DLGAP1: variants seen among roughly 807,000 people sequenced by gnomAD.
DLGAP1 encodes DLG associated protein 1, also known as disks large-associated protein 1.
In DLGAP1, 11 loss-of-function variants were observed where a neutral mutation model predicts 90.8. That is an observed-to-expected ratio of 0.12 (90% CI 0.08 to 0.20). The LOEUF is 0.20. Ranked by LOEUF, DLGAP1 falls within the 10% of genes least tolerant of loss-of-function variation. The probability of loss-of-function intolerance (pLI) is 1.00; values close to 1 mark genes in which losing one functional copy is unlikely to be tolerated. For synonymous variants in DLGAP1, 558 were observed against 540.7 expected (o/e 1.03, Z -0.44); for missense variants, 1,050 against 1,333.8 (o/e 0.79, Z 3.31).
intron 1 of DLGAP1, among the ~76,000 whole-genome samples, chr18:4,152,534 A>G (rs1314127145): frequency 1.3e-5 from 2 of 152,214 alleles, no homozygotes. Flanking sequence ...CTTGTTTCCA[A>G]AAAGAACACT....
intron 2 of DLGAP1, among the ~76,000 whole-genome samples, chr18:4,020,709 T>A (rs548517897): frequency 6.6e-6 from 1 of 152,298 alleles, no homozygotes; most frequent in East Asian, 1.9e-4. Flanking sequence ...AGTTTAACTT[T>A]GAAACAAAGA....
intron 7 of DLGAP1, among the ~76,000 whole-genome samples, chr18:3,682,424 T>C (rs999551243): frequency 6.6e-6 from 1 of 152,244 alleles, no homozygotes. Flanking sequence ...GAGAATGGAC[T>C]AATACACATG....
intron 5 of DLGAP1, among the ~76,000 whole-genome samples, chr18:3,813,414 T>A (rs1341231301): frequency 2.6e-5 from 4 of 152,210 alleles, no homozygotes; most frequent in Non-Finnish European, 4.4e-5. Flanking sequence ...TACTCTATGA[T>A]GTGTGCACAG....
At chr18:4,094,496 T>C (rs2075639444) in intron 2 of DLGAP1, among the ~76,000 whole-genome samples, 1 of 152,060 alleles carries the variant, frequency 6.6e-6, no homozygotes, top group Admixed American at 6.6e-5. Flanking sequence ...ATCATGTATA[T>C]TGTTTTCTGT....
At chr18:3,705,938 C>A (rs1334276488) in intron 7 of DLGAP1, among the ~76,000 whole-genome samples, 2 of 150,188 alleles carry the variant, frequency 1.3e-5, no homozygotes, top group Non-Finnish European at 2.9e-5. Context: ...GGATTACAGG[C>A]GTGAGCCACC....
At chr18:4,282,588 CACTG>C (rs2079580439) in intron 1 of DLGAP1, among the ~76,000 whole-genome samples, 1 of 152,116 alleles carries the variant, frequency 6.6e-6, no homozygotes, top group Non-Finnish European at 1.5e-5. Context: ...GTATGTTTAG[CACTG>C]ACAACATTTC....
chr18:4,442,659 A>G (rs1393441965), intron 1 of DLGAP1, among the ~76,000 whole-genome samples: 1 of 151,576 alleles, frequency 6.6e-6, no homozygotes, highest in Non-Finnish European at 1.5e-5. Context: ...ACCTAAAGCT[A>G]GAATATTTCT....
chr18:4,286,879 G>A (rs1422037131), intron 1 of DLGAP1, among the ~76,000 whole-genome samples: 1 of 152,142 alleles, frequency 6.6e-6, no homozygotes, highest in Non-Finnish European at 1.5e-5. Flanking sequence ...ACAGTGGCCA[G>A]GGAAAGAGAG....
intron 5 of DLGAP1, among the ~76,000 whole-genome samples, chr18:3,757,929 G>C (rs1274776944): frequency 6.6e-6 from 1 of 151,902 alleles, no homozygotes; most frequent in Admixed American, 6.6e-5. Flanking sequence ...GCCTGGCCAA[G>C]ATGGTGAAAC....
intron 10 of DLGAP1, among the ~76,000 whole-genome samples, chr18:3,522,990 T>G (rs1267726054): frequency 6.6e-6 from 1 of 152,062 alleles, no homozygotes; most frequent in Admixed American, 6.5e-5. Flanking sequence ...GTTTTGGATA[T>G]CACAACAAAA....
intron 4 of DLGAP1, among the ~76,000 whole-genome samples, chr18:3,823,883 G>A (rs1411690126): frequency 6.8e-6 from 1 of 146,216 alleles, no homozygotes; most frequent in Non-Finnish European, 1.5e-5. Flanking sequence ...CTGGGAGGTG[G>A]AGGTTGCAAT....
chr18:4,164,444 G>A (rs745729493), intron 1 of DLGAP1, among the ~76,000 whole-genome samples: 19 of 152,122 alleles, frequency 1.2e-4, no homozygotes, highest in Non-Finnish European at 1.9e-4. Context: ...ACTTTGGGAG[G>A]CGAAGATGGG....
chr18:4,041,787 G>T (rs2074979284), intron 2 of DLGAP1, among the ~76,000 whole-genome samples: 1 of 152,118 alleles, frequency 6.6e-6, no homozygotes, highest in South Asian at 2.1e-4. Flanking sequence ...GTGACCAATT[G>T]CTCTTCATCT....
intron 5 of DLGAP1, among the ~76,000 whole-genome samples, chr18:3,809,299 C>A (rs909699642): frequency 7.2e-5 from 11 of 152,122 alleles, no homozygotes; most frequent in Admixed American, 2.0e-4. Flanking sequence ...CTCTCATTTA[C>A]GAGGAGGTTC....
chr18:3,508,554 GGA>G lies in DLGAP1; in HGVS notation c.2571+14_2571+15del. 6.3e-7 allele frequency: 1 copy of G among 1,588,078 alleles called. No individual in the cohort carries two copies. The highest frequency in any genetic ancestry group is 8.6e-7 in the Non-Finnish European group (1 of 1,161,448). ...TGGCACTAGCAGGGAAATTGTAGAA[GGA>G]GAGTGTTACCTACCAGGTTTTCTTC... On this transcript the variant is annotated intron_variant, in intron 11 of 12. Transcript: ENST00000315677.
intron 9 of DLGAP1, among the ~76,000 whole-genome samples, chr18:3,539,805 A>G (rs907827533): frequency 2.0e-5 from 3 of 152,240 alleles, no homozygotes; most frequent in African/African-American, 2.4e-5. Context: ...ATGAGACTCA[A>G]GTCATGAACT....
In DLGAP1 at chr18:3,565,324, A is replaced by AT. The variant is rs2054364665; in HGVS notation, c.2057+2165dup. 1.3e-5 allele frequency among the ~76,000 whole-genome samples: 2 copies of AT among 151,506 alleles called. No individual in the cohort carries two copies. Among genetic ancestry groups the AT allele is most frequent in the African/African-American group, 4.8e-5 (2 of 41,264 alleles). ...CCACCACGCACAGCTAATTTTTGTA[A>AT]TTTTTTAGTAGAGACGGGTTTCACC... is the stretch of plus-strand genomic sequence containing the variant. On this transcript the variant is annotated intron_variant, in intron 9 of 12. Transcript: ENST00000315677. The surrounding 1 kb of genome is among the most constrained non-coding windows in gnomAD (Gnocchi z 4.0).
chr18:3,993,319 A>G (rs558877221), intron 3 of DLGAP1: 1 of 152,276 alleles, frequency 6.6e-6, no homozygotes, highest in African/African-American at 2.4e-5. Context: ...AACAGAATAA[A>G]TTTTTATTCA....
chr18:3,559,331 C>T lies in DLGAP1; in HGVS notation c.2057+8159G>A, dbSNP rs770923673. Among the ~76,000 whole-genome samples the T allele has an allele frequency of 1.3e-4, 20 of 152,096 alleles. No homozygotes were observed. The East Asian group carries it at 1.3e-3, about 10-fold the overall frequency. On this transcript the variant is annotated intron_variant, in intron 9 of 12. Coordinates refer to ENST00000315677, the MANE Select transcript of DLGAP1 (RefSeq NM_004746.4). Reference sequence around the variant, plus strand: ...GTGTGTTTATGTAAAATTAAATGAGCGCTGACAGCCAGCTGCACATTTTTT... The same window carrying T: ...GTGTGTTTATGTAAAATTAAATGAGTGCTGACAGCCAGCTGCACATTTTTT...
Sources: allele counts gnomAD v4.1 joint callset (sites outside exome capture counted in the v4.1 genomes callset), GRCh38; gene constraint gnomAD v4.1.1; non-coding constraint Gnocchi (gnomAD v3.1); transcripts MANE v1.5; gene names NCBI Gene and HGNC (gene_info 2026-07-23, HGNC 2026-07-21).